The following ARHGAP15 variants were observed in gnomAD, a reference collection of about 807,000 sequenced individuals.
The protein encoded by ARHGAP15 is rho GTPase-activating protein 15.
Under a neutral mutation model 63.7 loss-of-function variants are expected in ARHGAP15, and 51 were observed. The observed-to-expected ratio is 0.80, with a 90% CI of 0.64 to 1.01. The LOEUF (loss-of-function observed/expected upper bound fraction) is 1.01. ARHGAP15 is among the 50% of genes least tolerant of loss of function. The pLI is 0.00. For synonymous variants in ARHGAP15, 191 were observed against 193.8 expected (o/e 0.99, Z 0.12); for missense variants, 560 against 564.6 (o/e 0.99, Z 0.08).
chr2:143,187,762 G>A (rs1445610006), intron 2 of ARHGAP15, among the ~76,000 whole-genome samples: 5 of 152,214 alleles, frequency 3.3e-5, no homozygotes, highest in Non-Finnish European at 7.3e-5. Flanking sequence ...TGATAAGGAA[G>A]TGGGACTTTT....
intron 12 of ARHGAP15, among the ~76,000 whole-genome samples, chr2:143,631,998 C>G (rs1172325390): frequency 6.6e-6 from 1 of 151,866 alleles, no homozygotes; most frequent in African/African-American, 2.4e-5. Flanking sequence ...TCTAATTTTT[C>G]TCTAGCTGTT....
intron 5 of ARHGAP15, among the ~76,000 whole-genome samples, chr2:143,248,866 A>T (rs1042359072): frequency 6.6e-6 from 1 of 152,244 alleles, no homozygotes; most frequent in African/African-American, 2.4e-5. Context: ...GAACATAAAA[A>T]GTGCTTCTTA....
intron 6 of ARHGAP15, among the ~76,000 whole-genome samples, chr2:143,349,642 T>G (rs1685470178): frequency 6.6e-6 from 1 of 152,186 alleles, no homozygotes; most frequent in Non-Finnish European, 1.5e-5. Flanking sequence ...ATAATAAATA[T>G]CTTTTGTATT....
chr2:143,210,129 C>T (rs997764530), intron 3 of ARHGAP15, among the ~76,000 whole-genome samples: 8 of 151,198 alleles, frequency 5.3e-5, no homozygotes, highest in African/African-American at 1.2e-4. Context: ...AGGCAAAGAA[C>T]GAGGAACATA....
At chr2:143,671,293 A>G (rs1321291289) in intron 12 of ARHGAP15, among the ~76,000 whole-genome samples, 1 of 151,844 alleles carries the variant, frequency 6.6e-6, no homozygotes, top group Non-Finnish European at 1.5e-5. Flanking sequence ...CTAGGTATGC[A>G]TGTATAGTAC....
chr2:143,390,981 T>A (rs1179824981), intron 6 of ARHGAP15, among the ~76,000 whole-genome samples: 1 of 152,128 alleles, frequency 6.6e-6, no homozygotes, highest in Non-Finnish European at 1.5e-5. Context: ...TTTTACTCAG[T>A]TTGTGGTAAC....
chr2:143,460,395 C>G (rs1244572799), intron 8 of ARHGAP15, among the ~76,000 whole-genome samples: 1 of 152,100 alleles, frequency 6.6e-6, no homozygotes, highest in Non-Finnish European at 1.5e-5. Context: ...TTATTCATTT[C>G]ATTTTATCCT....
intron 6 of ARHGAP15, among the ~76,000 whole-genome samples, chr2:143,304,948 C>T (rs553542469): frequency 5.3e-5 from 8 of 152,112 alleles, no homozygotes; most frequent in African/African-American, 1.9e-4. Context: ...ACCAGAAATA[C>T]CATTGGACCT....
chr2:143,434,276 A>G (rs1304200389), intron 6 of ARHGAP15, among the ~76,000 whole-genome samples: 2 of 152,128 alleles, frequency 1.3e-5, no homozygotes, highest in Non-Finnish European at 2.9e-5. Context: ...TAGAGACAAC[A>G]TTTGATATTG....
intron 6 of ARHGAP15, among the ~76,000 whole-genome samples, chr2:143,401,409 A>G (rs1056232946): frequency 2.6e-5 from 4 of 152,038 alleles, no homozygotes; most frequent in African/African-American, 9.7e-5. Context: ...GTTTTAAAGT[A>G]TTTGAAAGGA....
chr2:143,543,372 C>T (rs1365256891), intron 10 of ARHGAP15, among the ~76,000 whole-genome samples: 2 of 151,930 alleles, frequency 1.3e-5, no homozygotes, highest in African/African-American at 4.8e-5. Flanking sequence ...TAGTTTTTTG[C>T]TCATTTTTAA....
intron 6 of ARHGAP15, among the ~76,000 whole-genome samples, chr2:143,432,532 G>A (rs569600805): frequency 5.9e-5 from 9 of 152,100 alleles, no homozygotes; most frequent in East Asian, 5.8e-4. Context: ...AAGAGGAACC[G>A]TACCAAGGAC....
intron 6 of ARHGAP15, among the ~76,000 whole-genome samples, chr2:143,336,961 T>C (rs2105275085): frequency 6.6e-6 from 1 of 151,972 alleles, no homozygotes; most frequent in East Asian, 1.9e-4. Context: ...TTACAGGCTG[T>C]AAGGAAGAGG....
intron 6 of ARHGAP15, among the ~76,000 whole-genome samples, chr2:143,319,249 G>A (rs1431429457): frequency 4.2e-5 from 6 of 144,436 alleles, no homozygotes; most frequent in African/African-American, 1.5e-4. Flanking sequence ...TTTTAATATG[G>A]TGTCTCACTC....
chr2:143,177,191 T>C (rs1691040968), intron 2 of ARHGAP15, among the ~76,000 whole-genome samples: 1 of 152,238 alleles, frequency 6.6e-6, no homozygotes, highest in Non-Finnish European at 1.5e-5. Context: ...TGTGCACCTT[T>C]GCCTCTCTTT....
chr2:143,490,826 C>G (rs1333377961), intron 9 of ARHGAP15, among the ~76,000 whole-genome samples: 8 of 151,994 alleles, frequency 5.3e-5, no homozygotes, highest in Non-Finnish European at 1.2e-4. Flanking sequence ...TGGGGTTTTG[C>G]CATGTTGGCC....
intron 11 of ARHGAP15, among the ~76,000 whole-genome samples, chr2:143,568,663 A>T (rs1425015036): frequency 6.6e-6 from 1 of 152,178 alleles, no homozygotes; most frequent in Non-Finnish European, 1.5e-5. Context: ...CCATTACTGG[A>T]TATATACCCA....
At position 143,380,886 on chromosome 2, in the gene ARHGAP15, A is replaced by G. The variant is rs987538858; in HGVS notation, c.475-54715A>G. On this transcript the variant is annotated intron_variant, in intron 6 of 13. Coordinates refer to ENST00000295095, the MANE Select transcript of ARHGAP15 (RefSeq NM_018460.4). ...GGACATTTAACACATTATAGAATTCATAATACAGGTGCGGCTCTGAATACT... is the reference window on the plus strand; with the variant it reads ...GGACATTTAACACATTATAGAATTCGTAATACAGGTGCGGCTCTGAATACT... 2.1e-4 allele frequency among the ~76,000 whole-genome samples: 32 copies of G among 151,844 alleles called. 1 individual carries two copies. The highest frequency in any genetic ancestry group is 7.7e-4 in the African/African-American group (32 of 41,328).
At chr2:143,170,339 T>C (rs953417513) in intron 2 of ARHGAP15, among the ~76,000 whole-genome samples, 2 of 152,180 alleles carry the variant, frequency 1.3e-5, no homozygotes, top group African/African-American at 4.8e-5. Context: ...GTACTCGGCA[T>C]TATGCTAAGT....
Sources: allele counts gnomAD v4.1 joint callset (sites outside exome capture counted in the v4.1 genomes callset), GRCh38; gene constraint gnomAD v4.1.1; transcripts MANE v1.5; gene names NCBI Gene and HGNC (gene_info 2026-07-23, HGNC 2026-07-21).